The following TPD52 variants were observed in gnomAD, a reference collection of about 807,000 sequenced individuals.
TPD52 encodes tumor protein D52, also known as prostate and colon associated protein.
Under a neutral mutation model 31.3 loss-of-function variants are expected in TPD52, and 17 were observed. The observed-to-expected ratio is 0.54, with a 90% CI of 0.37 to 0.82. The LOEUF is 0.82. TPD52 is among the 40% of genes least tolerant of loss of function. The pLI, the probability that TPD52 is intolerant of heterozygous loss-of-function variation, is 0.00. For synonymous variants in TPD52, 83 were observed against 89.6 expected (o/e 0.93, Z 0.42); for missense variants, 212 against 240.1 (o/e 0.88, Z 0.77).
intron 1 of TPD52, among the ~76,000 whole-genome samples, chr8:80,068,154 C>T (rs1210801237): frequency 1.3e-5 from 2 of 151,680 alleles, no homozygotes; most frequent in African/African-American, 4.8e-5. Context: ...ATCTACTACA[C>T]CAGCCACTGT....
intron 1 of TPD52, among the ~76,000 whole-genome samples, chr8:80,143,476 A>G (rs1563658181): frequency 6.6e-6 from 1 of 152,212 alleles, no homozygotes; most frequent in African/African-American, 2.4e-5. Flanking sequence ...AAAACTCATT[A>G]AAACTTGGCA....
chr8:80,045,957 C>T (rs1307944334), intron 5 of TPD52, among the ~76,000 whole-genome samples: 1 of 152,136 alleles, frequency 6.6e-6, no homozygotes, highest in Non-Finnish European at 1.5e-5. Context: ...GGGACCCACA[C>T]ATTGAATTTG....
In TPD52 at chr8:80,035,821, G is replaced by C. The variant is rs1563551729; in HGVS notation, c.*2295C>G. 1 of 152,138 alleles carries C rather than the reference G, an allele frequency of 6.6e-6. No homozygotes were observed. Among genetic ancestry groups the C allele is most frequent in the Non-Finnish European group, 1.5e-5 (1 of 68,018 alleles). 9.4% of individuals were successfully genotyped at this position (152,138 alleles called of 1,614,324 possible). A position where few individuals can be genotyped will look rare whatever the true frequency, so the allele number is the denominator to read the frequency against. On this transcript the variant is annotated 3_prime_UTR_variant, in exon 8 of 8. Coordinates refer to ENST00000518937, the MANE Select transcript of TPD52 (RefSeq NM_001025253.3). ...TAAGTATCTGAGATTTCACACTCTT[G>C]CTATTTTCTTAGTGTCAAACACAAG...
chr8:80,137,864 C>T (rs903716654), intron 1 of TPD52, among the ~76,000 whole-genome samples: 3 of 152,088 alleles, frequency 2.0e-5, no homozygotes, highest in Admixed American at 6.6e-5. Context: ...CTTGAGCCCA[C>T]GAGTTCAATG....
chr8:80,099,568 T>C (rs1806583779), intron 1 of TPD52, among the ~76,000 whole-genome samples: 1 of 149,882 alleles, frequency 6.7e-6, no homozygotes, highest in Non-Finnish European at 1.5e-5. Context: ...TGAAGTGCAG[T>C]GGTGTGATCT....
At chr8:80,079,983 GCAACTAGAAACCAAGGACTT>G (rs1404425823) in intron 1 of TPD52, among the ~76,000 whole-genome samples, 3 of 152,122 alleles carry the variant, frequency 2.0e-5, no homozygotes, top group African/African-American at 7.2e-5. Flanking sequence ...AATTACCTAA[GCAACTAGAAACCAAGGACTT>G]CAGATTCCTC....
chr8:80,042,076 G>A (rs1810444033), intron 7 of TPD52: 1 of 638,786 alleles, frequency 1.6e-6, no homozygotes, highest in Admixed American at 6.4e-5. Flanking sequence ...GCAACAGAGT[G>A]AGACTCCATC....
rs552785156 is a variant in TPD52, at chr8:80,038,018, C to T, written c.*98G>A. 3 of 1,513,718 alleles carry T rather than the reference C, an allele frequency of 2.0e-6. No individual in the cohort carries two copies. The highest frequency in any genetic ancestry group is 2.0e-5 in the Admixed American group (1 of 49,774). The allele number at this position is 1,513,718 out of a possible 1,614,324, so 93.8% of individuals were successfully genotyped here. A position where few individuals can be genotyped will look rare whatever the true frequency, so the allele number is the denominator to read the frequency against. On this transcript the variant is annotated 3_prime_UTR_variant, in exon 8 of 8. Transcript: ENST00000518937. ...AGGAATATGTAAAGCTAAATAAAAG[C>T]ACATCTGGTAGAAATTCATGGCAAT...
At chr8:80,099,719 CA>C (rs1306979717) in intron 1 of TPD52, among the ~76,000 whole-genome samples, 1 of 152,136 alleles carries the variant, frequency 6.6e-6, no homozygotes, top group African/African-American at 2.4e-5. Context: ...CCATGTTGGC[CA>C]GGCTGGTCTT....
At chr8:80,136,984 A>G (rs1474547950) in intron 1 of TPD52, among the ~76,000 whole-genome samples, 1 of 152,030 alleles carries the variant, frequency 6.6e-6, no homozygotes, top group Non-Finnish European at 1.5e-5. Context: ...CTCCCTTATC[A>G]CTCTTAACAA....
At chr8:80,130,060 T>C (rs980081978) in intron 1 of TPD52, among the ~76,000 whole-genome samples, 2 of 152,156 alleles carry the variant, frequency 1.3e-5, no homozygotes, top group Non-Finnish European at 2.9e-5. Context: ...GAGTTTTATA[T>C]TCTGAAGAAG....
rs1330726640 is a variant in TPD52 at position 80,050,471 on chromosome 8, TC to T, written c.387-1del. On this transcript the variant is annotated splice_acceptor_variant, in intron 4 of 7. Coordinates refer to ENST00000518937, the MANE Select transcript of TPD52 (RefSeq NM_001025253.3). LOFTEE classifies it high-confidence loss of function. ...TAAAGGAATGTGAAAAGGCTTGCAA[TC>T]TGTAAGAAGCCAGAGTAAGCATTAA... is the stretch of plus-strand genomic sequence containing the variant. 6.2e-7 allele frequency: 1 copy of T among 1,605,998 alleles called. No homozygotes were observed. Among genetic ancestry groups the T allele is most frequent in the African/African-American group, 1.3e-5 (1 of 74,686 alleles).
At chr8:80,160,853 G>A (rs919072382) in intron 1 of TPD52, among the ~76,000 whole-genome samples, 7 of 140,902 alleles carry the variant, frequency 5.0e-5, no homozygotes, top group African/African-American at 1.9e-4. Flanking sequence ...AGACCAGCCT[G>A]GGAAACGAGG....
intron 2 of TPD52, 46 bp downstream of exon 2, chr8:80,064,432 A>G: frequency 7.1e-7 from 1 of 1,402,486 alleles, no homozygotes; most frequent in South Asian, 1.2e-5. Flanking sequence ...AAATGACAGT[A>G]CATTTTAAGT....
intron 1 of TPD52, among the ~76,000 whole-genome samples, chr8:80,091,155 G>A (rs879757062): frequency 3.3e-5 from 5 of 152,140 alleles, no homozygotes; most frequent in Admixed American, 1.3e-4. Flanking sequence ...CTATCACAAG[G>A]AGTCACAGAC....
Position 80,078,319 on chromosome 8 carries a change from T to A in TPD52, c.20-13726A>T, listed in dbSNP as rs140396670. 8.4e-3 allele frequency among the ~76,000 whole-genome samples: 1,276 copies of A among 152,372 alleles called. 23 individuals are homozygous for A. The highest frequency in any genetic ancestry group is 0.029 in the African/African-American group (1,219 of 41,596). On this transcript the variant is annotated intron_variant, in intron 1 of 7. Coordinates refer to ENST00000518937, the MANE Select transcript of TPD52 (RefSeq NM_001025253.3). ...AACCTCTCTGGGTAGGATTCCTTTTTATATCAGTCCTTCTTGTCTGTATTA... is the reference window on the plus strand; with the variant it reads ...AACCTCTCTGGGTAGGATTCCTTTTAATATCAGTCCTTCTTGTCTGTATTA...
At chr8:80,076,515 T>C (rs949811930) in intron 1 of TPD52, among the ~76,000 whole-genome samples, 2 of 150,762 alleles carry the variant, frequency 1.3e-5, no homozygotes, top group African/African-American at 4.9e-5. Context: ...GGGTGGAGGG[T>C]GGGAGGAGGA....
intron 1 of TPD52, among the ~76,000 whole-genome samples, chr8:80,169,378 T>C (rs1811926725): frequency 6.6e-6 from 1 of 152,104 alleles, no homozygotes; most frequent in South Asian, 2.1e-4. Context: ...GTCCTCCACC[T>C]CACCCAAAGA....
In TPD52 at chr8:80,101,521, A is replaced by G. The variant is rs189861849; in HGVS notation, c.20-36928T>C. 6.6e-5 allele frequency among the ~76,000 whole-genome samples: 10 copies of G among 152,208 alleles called. No homozygotes were observed. In the East Asian group the frequency reaches 1.5e-3, roughly 24 times the overall value. On this transcript the variant is annotated intron_variant, in intron 1 of 7. Coordinates refer to ENST00000518937, the MANE Select transcript of TPD52 (RefSeq NM_001025253.3). ...AATCTGTTTGCATTATTAAAAAGCA[A>G]TAACTGAGAGTGGGTAATTTATAAA...
Sources: gnomAD v4.1 joint callset for allele counts (sites outside exome capture counted in the v4.1 genomes callset) on GRCh38, gnomAD v4.1.1 for gene constraint, MANE v1.5 for transcripts, NCBI Gene and HGNC (gene_info 2026-07-23, HGNC 2026-07-21) for gene names.